The following SSBP2 variants were observed in gnomAD, a reference collection of about 807,000 sequenced individuals.
SSBP2 encodes single-stranded DNA-binding protein 2.
Under a neutral mutation model 61.8 loss-of-function variants are expected in SSBP2, and 17 were observed. The ratio of observed to expected loss-of-function variants is 0.28; its 90% CI spans 0.19 to 0.41. The LOEUF is 0.41. Ranked by LOEUF, SSBP2 falls within the 10% of genes least tolerant of loss-of-function variation. The pLI is 1.00. For missense variants in SSBP2, 310 were observed against 458.7 expected (o/e 0.68, Z 2.96); for synonymous variants, 139 against 141.3 (o/e 0.98, Z 0.12).
At chr5:81,482,272 T>A (rs1766049157) in intron 6 of SSBP2, among the ~76,000 whole-genome samples, 2 of 152,094 alleles carry the variant, frequency 1.3e-5, no homozygotes, top group Non-Finnish European at 1.5e-5. Flanking sequence ...GGACCAAGGA[T>A]TTTTCAGAAT....
intron 4 of SSBP2, among the ~76,000 whole-genome samples, chr5:81,540,800 G>A (rs1771206798): frequency 6.6e-6 from 1 of 152,006 alleles, no homozygotes; most frequent in Admixed American, 6.6e-5. Flanking sequence ...AAACCAAACT[G>A]CAGTATCTCC....
intron 3 of SSBP2, among the ~76,000 whole-genome samples, chr5:81,627,089 T>C (rs758858290): frequency 2.0e-5 from 3 of 152,240 alleles, no homozygotes; most frequent in Admixed American, 2.0e-4. Context: ...AAAAGTCTCA[T>C]ATAGCTAGTA....
intron 3 of SSBP2, among the ~76,000 whole-genome samples, chr5:81,628,365 C>T (rs879213587): frequency 1.3e-5 from 2 of 152,144 alleles, no homozygotes; most frequent in East Asian, 3.9e-4. Flanking sequence ...TCCCACCACA[C>T]GTGGGGATTA....
intron 1 of SSBP2, among the ~76,000 whole-genome samples, chr5:81,684,792 G>A (rs1381302190): frequency 6.6e-6 from 1 of 152,114 alleles, no homozygotes; most frequent in Non-Finnish European, 1.5e-5. Context: ...TTTGGACTGT[G>A]GACTTTTGAG....
intron 4 of SSBP2, among the ~76,000 whole-genome samples, chr5:81,559,232 A>C (rs1468036067): frequency 1.3e-5 from 2 of 152,064 alleles, no homozygotes; most frequent in African/African-American, 4.8e-5. Flanking sequence ...CTAAAAATAC[A>C]AAAAATCAGC....
intron 1 of SSBP2, among the ~76,000 whole-genome samples, chr5:81,668,205 A>G (rs1184281259): frequency 6.8e-6 from 1 of 147,208 alleles, no homozygotes; most frequent in Non-Finnish European, 1.5e-5. Flanking sequence ...GCATCAATTC[A>G]GCACTACCCA....
At position 81,456,203 on chromosome 5, in the gene SSBP2, C is replaced by A. The variant is rs77310952; in HGVS notation, c.687+4852G>T. 9.1e-3 allele frequency among the ~76,000 whole-genome samples: 1,389 copies of A among 152,248 alleles called. 20 individuals are homozygous for A. Among genetic ancestry groups the A allele is most frequent in the African/African-American group, 0.031 (1,305 of 41,540 alleles). On this transcript the variant is annotated intron_variant, in intron 10 of 16. Transcript: ENST00000320672. ...TAGGCTTAATCACTATTAATAGATG[C>A]ATATTTTCCTTAAAGGAGTTTCCTC...
chr5:81,608,592 T>A (rs760421568), intron 4 of SSBP2, among the ~76,000 whole-genome samples: 2 of 152,212 alleles, frequency 1.3e-5, no homozygotes. Context: ...AACAATGACA[T>A]GTCCTTAACT....
At chr5:81,445,740 C>T (rs193178130) in intron 12 of SSBP2, among the ~76,000 whole-genome samples, 1 of 152,174 alleles carries the variant, frequency 6.6e-6, no homozygotes, top group East Asian at 1.9e-4. Context: ...TTTCAACAAG[C>T]CAGTTAAAAA....
rs144343562 is a variant in SSBP2 at position 81,452,907 on chromosome 5, A to G, written c.688-4082T>C. 9.2e-4 allele frequency among the ~76,000 whole-genome samples: 140 copies of G among 152,176 alleles called. No homozygotes were observed. In the East Asian group the frequency reaches 0.026, roughly 28 times the overall value. ...GGACAAGATACTTGATCTAGGATTAAACTAGATTTTTGGTAGTTGAAACAA... is the reference window on the plus strand; with the variant it reads ...GGACAAGATACTTGATCTAGGATTAGACTAGATTTTTGGTAGTTGAAACAA... On this transcript the variant is annotated intron_variant, in intron 10 of 16. Coordinates refer to ENST00000320672, the MANE Select transcript of SSBP2 (RefSeq NM_012446.5).
chr5:81,738,954 C>G (rs1756812951), intron 1 of SSBP2, among the ~76,000 whole-genome samples: 1 of 151,954 alleles, frequency 6.6e-6, no homozygotes, highest in Admixed American at 6.5e-5. Flanking sequence ...CACTCGAGGT[C>G]AGGAGTTCGA....
At chr5:81,576,083 T>C (rs1774189502) in intron 4 of SSBP2, among the ~76,000 whole-genome samples, 1 of 152,156 alleles carries the variant, frequency 6.6e-6, no homozygotes, top group African/African-American at 2.4e-5. Flanking sequence ...TATGCCTAGT[T>C]TCAGATTACT....
intron 1 of SSBP2, among the ~76,000 whole-genome samples, chr5:81,655,362 T>C (rs1487470423): frequency 2.6e-5 from 4 of 152,204 alleles, no homozygotes; most frequent in Non-Finnish European, 5.9e-5. Context: ...TCTAAATACA[T>C]AGAAACAAAT....
chr5:81,426,374 C>T lies in SSBP2; in HGVS notation c.1056+2211G>A, dbSNP rs114105014. Among the ~76,000 whole-genome samples, 623 of 152,316 alleles carry T rather than the reference C, an allele frequency of 4.1e-3. 4 individuals carry two copies. Among genetic ancestry groups the T allele is most frequent in the South Asian group, 7.2e-3 (35 of 4,830 alleles). Reference sequence around the variant, plus strand: ...TGTACTACCCTCCAGGGTGGTGGTGCAGTTTCTCAGTCCACCATCAAATTA... The same window carrying T: ...TGTACTACCCTCCAGGGTGGTGGTGTAGTTTCTCAGTCCACCATCAAATTA... On this transcript the variant is annotated intron_variant, in intron 16 of 16. Coordinates refer to ENST00000320672, the MANE Select transcript of SSBP2 (RefSeq NM_012446.5).
intron 1 of SSBP2, among the ~76,000 whole-genome samples, chr5:81,679,740 C>T (rs756200921): frequency 9.2e-5 from 14 of 152,114 alleles, no homozygotes; most frequent in Non-Finnish European, 1.6e-4. Flanking sequence ...ATTAATCCAA[C>T]TACATCAATA....
At chr5:81,439,234 G>GA (rs956674492) in intron 14 of SSBP2, among the ~76,000 whole-genome samples, 21 of 146,572 alleles carry the variant, frequency 1.4e-4, no homozygotes, top group Admixed American at 4.7e-4. Flanking sequence ...CTTTCCAAAA[G>GA]AAAAAAAAAA....
intron 4 of SSBP2, among the ~76,000 whole-genome samples, chr5:81,600,456 G>A (rs1446335820): frequency 1.3e-5 from 2 of 151,520 alleles, no homozygotes; most frequent in East Asian, 1.9e-4. Context: ...AGCTAACCCA[G>A]GAGGCTGAGG....
intron 4 of SSBP2, among the ~76,000 whole-genome samples, chr5:81,515,009 T>C (rs1768906000): frequency 1.3e-5 from 2 of 152,024 alleles, no homozygotes; most frequent in Admixed American, 1.3e-4. Flanking sequence ...AGAAAAACCA[T>C]GCAATTTCAA....
At chr5:81,747,762 T>C (rs978612619) in intron 1 of SSBP2, among the ~76,000 whole-genome samples, 2 of 152,200 alleles carry the variant, frequency 1.3e-5, no homozygotes, top group Non-Finnish European at 1.5e-5. Context: ...AACAAACTTA[T>C]ATTTTAGGGA....
Sources: gnomAD v4.1 joint callset for allele counts (sites outside exome capture counted in the v4.1 genomes callset) on GRCh38, gnomAD v4.1.1 for gene constraint, MANE v1.5 for transcripts, NCBI Gene and HGNC (gene_info 2026-07-23, HGNC 2026-07-21) for gene names.